POGLUT1: variants seen among roughly 807,000 people sequenced by gnomAD.
The protein encoded by POGLUT1 is protein O-glucosyltransferase 1, also known as 9630046K23Rik.
Under a neutral mutation model 61.3 loss-of-function variants are expected in POGLUT1, and 32 were observed. That is an observed-to-expected ratio of 0.52 (90% confidence interval 0.39 to 0.70). The LOEUF is 0.70. Ranked by LOEUF, POGLUT1 falls within the 30% of genes least tolerant of loss-of-function variation. The pLI is 0.00. For missense variants in POGLUT1, 411 were observed against 469.8 expected (o/e 0.87, Z 1.16); for synonymous variants, 158 against 158.2 (o/e 1.00, Z 0.01).
At chr3:119,471,242 T>G in intron 2 of POGLUT1, 67 bp from the exon 3 acceptor site, 2 of 1,460,362 alleles carry the variant, frequency 1.4e-6, no homozygotes, top group Non-Finnish European at 1.9e-6. Flanking sequence ...TAAATGCACT[T>G]AGGAAGTAGG....
intron 5 of POGLUT1, among the ~76,000 whole-genome samples, chr3:119,485,072 C>T (rs1445815381): frequency 6.6e-6 from 1 of 152,118 alleles, no homozygotes; most frequent in Non-Finnish European, 1.5e-5. Context: ...ACAAAATTAG[C>T]CGGGCGTGGT....
intron 4 of POGLUT1, chr3:119,478,417 T>C (rs1251050585): frequency 2.2e-6 from 1 of 456,712 alleles, no homozygotes; most frequent in Admixed American, 2.3e-5. Flanking sequence ...TTCTCGAAAG[T>C]GTTTGGTTCC....
rs1347153619 is a variant in POGLUT1 at position 119,490,545 on chromosome 3, C to T, written c.798-6C>T. On this transcript the variant is annotated splice_region_variant and splice_polypyrimidine_tract_variant and intron_variant, in intron 8 of 10. Transcript: ENST00000295588. Reference sequence around the variant, plus strand: ...TATCAAATGTATTTTGTTCTTTTTTCCCCAGGTATCTGTTTAATTTTCGAG... The same window carrying T: ...TATCAAATGTATTTTGTTCTTTTTTTCCCAGGTATCTGTTTAATTTTCGAG... 1 of 1,612,232 alleles carries T rather than the reference C, an allele frequency of 6.2e-7. No homozygotes were observed. The highest frequency in any genetic ancestry group is 2.2e-5 in the East Asian group (1 of 44,870).
intron 8 of POGLUT1, chr3:119,489,548 A>C (rs1263867365): frequency 1.3e-5 from 2 of 152,712 alleles, no homozygotes; most frequent in Non-Finnish European, 2.9e-5. Flanking sequence ...CACGCAGAGT[A>C]GGAGCTATAT....
chr3:119,487,133 A>G (rs2081674556), intron 7 of POGLUT1: 2 of 571,758 alleles, frequency 3.5e-6, no homozygotes, highest in African/African-American at 1.9e-5. Context: ...TATGACTAGT[A>G]TATTGCACTA....
At chr3:119,487,715 G>T (rs1365648309) in intron 7 of POGLUT1, among the ~76,000 whole-genome samples, 1 of 151,874 alleles carries the variant, frequency 6.6e-6, no homozygotes, top group African/African-American at 2.4e-5. Flanking sequence ...CATTTGAAAT[G>T]TAAAAATTTC....
rs1453651678 is a variant in POGLUT1 at position 119,481,231 on chromosome 3, TA to T, written c.578+1060del. The stretch of plus-strand genomic sequence containing the variant: ...ATAAATGTCCCATAAGCATCTCAAG[TA>T]CAAGCTTATTCCAGATCCTCTCTGA... On this transcript the variant is annotated intron_variant, in intron 5 of 10. Transcript: ENST00000295588. 6.6e-5 allele frequency among the ~76,000 whole-genome samples: 10 copies of T among 152,290 alleles called. No homozygotes were observed. The South Asian group carries it at 2.1e-3, about 32-fold the overall frequency.
At chr3:119,489,983 C>G (rs1314927291) in intron 8 of POGLUT1, 1 of 153,540 alleles carries the variant, frequency 6.5e-6, no homozygotes, top group Non-Finnish European at 1.5e-5. Context: ...AAAATTGTCT[C>G]CCATGAAACT....
At chr3:119,478,479 G>C (rs1201321262) in intron 4 of POGLUT1, 2 of 453,912 alleles carry the variant, frequency 4.4e-6, no homozygotes, top group Non-Finnish European at 8.9e-6. Flanking sequence ...TCCCATGTAA[G>C]TCAGTAGGGA....
At chr3:119,475,813 A>G (rs1214808409) in intron 3 of POGLUT1, among the ~76,000 whole-genome samples, 2 of 147,372 alleles carry the variant, frequency 1.4e-5, no homozygotes, top group Non-Finnish European at 3.0e-5. Flanking sequence ...CTCCATCTCA[A>G]AAAAAAAAAA....
intron 3 of POGLUT1, among the ~76,000 whole-genome samples, chr3:119,476,761 T>C (rs1234131994): frequency 2.6e-5 from 4 of 152,266 alleles, no homozygotes; most frequent in Non-Finnish European, 4.4e-5. Context: ...TTTATGATTA[T>C]GTATATAACA....
rs2081776700 is a variant in POGLUT1, at chr3:119,493,395, A to G, written c.*957A>G. 6.6e-6 allele frequency: 1 copy of G among 152,232 alleles called. No individual in the cohort carries two copies. The highest frequency in any genetic ancestry group is 1.5e-5 in the Non-Finnish European group (1 of 68,024). 9.4% of individuals were successfully genotyped at this position (152,232 alleles called of 1,614,324 possible). A position where few individuals can be genotyped will look rare whatever the true frequency, so the allele number is the denominator to read the frequency against. On this transcript the variant is annotated 3_prime_UTR_variant, in exon 11 of 11. Coordinates refer to ENST00000295588, the MANE Select transcript of POGLUT1 (RefSeq NM_152305.3). ...AAGATATTTGTTTTAGTGCAAATCC[A>G]TGATGGAGTGCCTCCCTTTTCCTTT...
At chr3:119,488,866 C>A in intron 7 of POGLUT1, 63 bp from the exon 8 acceptor site, 3 of 855,104 alleles carry the variant, frequency 3.5e-6, no homozygotes, top group Non-Finnish European at 6.0e-6. Flanking sequence ...ACAATGCTTG[C>A]TGCACAGTGA....
At chr3:119,474,754 G>A (rs111637049) in intron 3 of POGLUT1, among the ~76,000 whole-genome samples, 1 of 152,100 alleles carries the variant, frequency 6.6e-6, no homozygotes, top group African/African-American at 2.4e-5. Context: ...CAGGAAAATC[G>A]CTTGAACCCG....
intron 3 of POGLUT1, among the ~76,000 whole-genome samples, chr3:119,474,494 T>C (rs1038803214): frequency 1.3e-5 from 2 of 152,164 alleles, no homozygotes; most frequent in African/African-American, 4.8e-5. Flanking sequence ...AATTATAGAT[T>C]ATTTTCTAGT....
At chr3:119,488,878 C>T in intron 7 of POGLUT1, 51 bp from the exon 8 acceptor site, 1 of 976,456 alleles carries the variant, frequency 1.0e-6, no homozygotes, top group Non-Finnish European at 1.6e-6. Flanking sequence ...GCACAGTGAT[C>T]ACAATAAATG....
intron 2 of POGLUT1, among the ~76,000 whole-genome samples, chr3:119,470,671 G>A (rs917043031): frequency 6.6e-6 from 1 of 152,174 alleles, no homozygotes; most frequent in Non-Finnish European, 1.5e-5. Context: ...TACTCCCACT[G>A]GTTACCCCTG....
At chr3:119,485,139 C>T (rs2081650037) in intron 5 of POGLUT1, among the ~76,000 whole-genome samples, 189 bp from the exon 6 acceptor site, 1 of 152,024 alleles carries the variant, frequency 6.6e-6, no homozygotes, top group African/African-American at 2.4e-5. Flanking sequence ...ATGGCATGAA[C>T]CCAGGAAGGG....
intron 3 of POGLUT1, among the ~76,000 whole-genome samples, chr3:119,475,954 CCACACACACACACACACA>C (rs539140166): frequency 3.1e-5 from 4 of 130,852 alleles, no homozygotes; most frequent in Non-Finnish European, 6.4e-5. Context: ...GACTGTCTCT[CCACACACACACACACACA>C]CACACACACA....
Sources: gnomAD v4.1 joint callset for allele counts (sites outside exome capture counted in the v4.1 genomes callset) on GRCh38, gnomAD v4.1.1 for gene constraint, MANE v1.5 for transcripts, NCBI Gene and HGNC (gene_info 2026-07-23, HGNC 2026-07-21) for gene names.